Variants in FBXW8 observed in about 807,000 individuals in gnomAD.
The protein encoded by FBXW8 is F-box/WD repeat-containing protein 8.
Under a neutral mutation model 65.3 loss-of-function variants are expected in FBXW8, and 57 were observed. The observed-to-expected ratio is 0.87, with a 90% CI of 0.71 to 1.09. The LOEUF is 1.09. FBXW8 is among the 50% of genes least tolerant of loss of function. FBXW8 has a pLI of 0.00. For missense variants in FBXW8, 777 were observed against 814.8 expected, an observed-to-expected ratio of 0.95 and a Z score of 0.57; for synonymous variants, 308 against 330.2, an observed-to-expected ratio of 0.93 and a Z score of 0.73.
In FBXW8 at chr12:116,970,774, G is replaced by C. The variant is rs554553857; in HGVS notation, c.835+5920G>C. 4.6e-5 allele frequency among the ~76,000 whole-genome samples: 7 copies of C among 152,278 alleles called. No individual in the cohort carries two copies. In the South Asian group the frequency reaches 1.5e-3, roughly 32 times the overall value. Reference sequence around the variant, plus strand: ...TAACATGTTAAAGCATTGCTTGCGAGAAGGCTAAGGCAATTGATGGATTGT... The same window carrying C: ...TAACATGTTAAAGCATTGCTTGCGACAAGGCTAAGGCAATTGATGGATTGT... On this transcript the variant is annotated intron_variant, in intron 5 of 10. Transcript: ENST00000652555.
chr12:116,964,954 C>A, intron 5 of FBXW8, 100 bp downstream of exon 5: 3 of 1,161,776 alleles, frequency 2.6e-6, no homozygotes, highest in Non-Finnish European at 1.2e-6. Flanking sequence ...TCCATATGTA[C>A]ACGTGGGCAC....
intron 9 of FBXW8, among the ~76,000 whole-genome samples, chr12:117,024,683 A>G (rs1017623083): frequency 1.3e-5 from 2 of 152,240 alleles, no homozygotes; most frequent in Non-Finnish European, 1.5e-5. Context: ...ACTCAAAAAC[A>G]TAGGAAGCTC....
chr12:116,997,876 C>T (rs1953415125), intron 7 of FBXW8, among the ~76,000 whole-genome samples: 1 of 152,160 alleles, frequency 6.6e-6, no homozygotes, highest in Admixed American at 6.5e-5. Context: ...AGTGCAGTGG[C>T]GCCATCTCAG....
intron 2 of FBXW8, among the ~76,000 whole-genome samples, chr12:116,930,413 A>G (rs1479786855): frequency 6.6e-6 from 1 of 152,194 alleles, no homozygotes; most frequent in African/African-American, 2.4e-5. Context: ...GCATTTTTAA[A>G]TATACCTATT....
At chr12:117,011,127 CT>C (rs397946872) in intron 8 of FBXW8, among the ~76,000 whole-genome samples, 2,229 of 122,086 alleles carry the variant, frequency 0.018, 26 homozygotes, top group Admixed American at 0.03. Context: ...TTTTCTTTTC[CT>C]TTTTTTTTTT....
At chr12:117,005,010 G>A (rs1191501885) in intron 7 of FBXW8, among the ~76,000 whole-genome samples, 1 of 152,248 alleles carries the variant, frequency 6.6e-6, no homozygotes, top group Non-Finnish European at 1.5e-5. Context: ...GTCACTGTTT[G>A]TAAATGGCAA....
rs369900260 is a variant in FBXW8, at chr12:116,936,733, G to A, written c.423+8606G>A. Among the ~76,000 whole-genome samples the A allele has an allele frequency of 6.6e-6, 1 of 152,224 alleles. No individual in the cohort carries two copies. Among genetic ancestry groups the A allele is most frequent in the South Asian group, 2.1e-4 (1 of 4,832 alleles). ...AATCTGTATTGTTTTAAGCAGCTAA[G>A]TTTGTAGTAGTTTGTTAGCGCAGCC... On this transcript the variant is annotated intron_variant, in intron 2 of 10. Transcript: ENST00000652555. This position sits in a 1 kb window ranked among gnomAD's most constrained non-coding sequence, Gnocchi z 4.6.
chr12:116,994,919 T>C (rs1476586453), intron 7 of FBXW8, among the ~76,000 whole-genome samples: 1 of 152,170 alleles, frequency 6.6e-6, no homozygotes, highest in Admixed American at 6.5e-5. Context: ...ATGATTTTGA[T>C]AGACATTGCC....
At chr12:116,968,305 C>T (rs947088424) in intron 5 of FBXW8, among the ~76,000 whole-genome samples, 1 of 152,048 alleles carries the variant, frequency 6.6e-6, no homozygotes, top group Non-Finnish European at 1.5e-5. Context: ...CTTGTATATC[C>T]TTGTATTTTA....
At chr12:116,925,381 C>T (rs1310948918) in intron 1 of FBXW8, among the ~76,000 whole-genome samples, 6 of 152,108 alleles carry the variant, frequency 3.9e-5, no homozygotes, top group Admixed American at 3.9e-4. Context: ...TCTGAGTGAC[C>T]CACTGCAGTA....
chr12:117,010,570 C>A, intron 8 of FBXW8, 120 bp downstream of exon 8: 1 of 1,343,564 alleles, frequency 7.4e-7, no homozygotes. Context: ...TGAGTTCAGC[C>A]CCGATCCCAT....
chr12:116,984,279 C>T (rs1421897062), intron 5 of FBXW8, among the ~76,000 whole-genome samples: 1 of 152,160 alleles, frequency 6.6e-6, no homozygotes, highest in Admixed American at 6.5e-5. Flanking sequence ...GTTACTGGTG[C>T]CTGACAGTCT....
chr12:116,977,037 G>A (rs917115771), intron 5 of FBXW8, among the ~76,000 whole-genome samples: 83 of 152,282 alleles, frequency 5.5e-4, no homozygotes, highest in African/African-American at 1.8e-3. Context: ...TCGGGGCCTT[G>A]TGGCAAAACC....
At chr12:117,026,903 G>A (rs551904576) in intron 9 of FBXW8, among the ~76,000 whole-genome samples, 2 of 152,250 alleles carry the variant, frequency 1.3e-5, no homozygotes, top group East Asian at 3.9e-4. Context: ...AAGATTTTCC[G>A]AACGTGCTTT....
intron 5 of FBXW8, among the ~76,000 whole-genome samples, chr12:116,969,605 G>A (rs182347792): frequency 7.2e-5 from 11 of 152,204 alleles, no homozygotes; most frequent in Non-Finnish European, 1.2e-4. Context: ...TTTGTGACAC[G>A]GAAAAGAAGA....
At chr12:117,018,971 C>T (rs533212362) in intron 8 of FBXW8, among the ~76,000 whole-genome samples, 2 of 152,234 alleles carry the variant, frequency 1.3e-5, no homozygotes, top group Non-Finnish European at 2.9e-5. Context: ...ACTTGGTAAA[C>T]ACTTCCGCTC....
intron 1 of FBXW8, among the ~76,000 whole-genome samples, chr12:116,927,032 A>G (rs375007554): frequency 3.7e-4 from 57 of 152,268 alleles, no homozygotes; most frequent in African/African-American, 1.3e-3. Context: ...GCAGTAAGTC[A>G]CTGATGTCAG....
intron 1 of FBXW8, among the ~76,000 whole-genome samples, chr12:116,911,861 G>A (rs1466720828): frequency 1.2e-4 from 18 of 152,086 alleles, no homozygotes; most frequent in African/African-American, 4.3e-4. Flanking sequence ...AACCGTGCAC[G>A]TATTCAAAAA....
Position 117,028,395 on chromosome 12 carries a change from CAT to C in FBXW8, c.*225_*226del. 1.7e-6 allele frequency: 1 copy of C among 591,230 alleles called. No homozygotes were observed. Among genetic ancestry groups the C allele is most frequent in the Non-Finnish European group, 3.0e-6 (1 of 338,592 alleles). 36.6% of individuals were successfully genotyped at this position (591,230 alleles called of 1,614,324 possible). On this transcript the variant is annotated 3_prime_UTR_variant, in exon 11 of 11. Coordinates refer to ENST00000652555, the MANE Select transcript of FBXW8 (RefSeq NM_153348.3). The surrounding 1 kb of genome is among the most constrained non-coding windows in gnomAD (Gnocchi z 4.1). Reference sequence around the variant, plus strand: ...GAGTCCCACGTGCTGCCAACTCAAACATAGCCTCCTTCCCCACCCAGCTGGCC... The same window carrying C: ...GAGTCCCACGTGCTGCCAACTCAAACAGCCTCCTTCCCCACCCAGCTGGCC...
Sources: allele counts gnomAD v4.1 joint callset (sites outside exome capture counted in the v4.1 genomes callset), GRCh38; gene constraint gnomAD v4.1.1; non-coding constraint Gnocchi (gnomAD v3.1); transcripts MANE v1.5; gene names NCBI Gene and HGNC (gene_info 2026-07-23, HGNC 2026-07-21).